The following CNBD1 variants were observed in gnomAD, a reference collection of about 807,000 sequenced individuals.
The protein encoded by CNBD1 is cyclic nucleotide-binding domain-containing protein 1.
CNBD1 carries 71 observed loss-of-function variants against 54.4 expected under a neutral mutation model. The observed-to-expected ratio is 1.30, with a 90% CI of 1.08 to 1.59. The LOEUF (loss-of-function observed/expected upper bound fraction) is 1.59. Among genes scored for constraint, CNBD1 ranks in the 40% most tolerant of loss-of-function variants. The pLI, the probability that CNBD1 is intolerant of heterozygous loss-of-function variation, is 0.00. For synonymous variants in CNBD1, 182 were observed against 170.7 expected, an observed-to-expected ratio of 1.07 and a Z score of -0.51; for missense variants, 659 against 518.0, an observed-to-expected ratio of 1.27 and a Z score of -2.64.
intron 4 of CNBD1, among the ~76,000 whole-genome samples, chr8:87,035,591 C>G (rs2130601038): frequency 6.6e-6 from 1 of 152,250 alleles, no homozygotes. Flanking sequence ...TTCTCAGATG[C>G]CAACTCTATT....
chr8:87,226,040 A>T (rs1814479927), intron 5 of CNBD1, among the ~76,000 whole-genome samples: 1 of 151,976 alleles, frequency 6.6e-6, no homozygotes, highest in East Asian at 1.9e-4. Flanking sequence ...AGGTGTTTGT[A>T]GTATTCTCTG....
intron 4 of CNBD1, among the ~76,000 whole-genome samples, chr8:86,957,667 G>A (rs1444010666): frequency 1.3e-5 from 2 of 152,124 alleles, no homozygotes; most frequent in African/African-American, 2.4e-5. Flanking sequence ...TGTGGGATTG[G>A]TGGTGATATC....
At chr8:87,354,522 C>A (rs1043563344) in intron 10 of CNBD1, among the ~76,000 whole-genome samples, 1 of 151,942 alleles carries the variant, frequency 6.6e-6, no homozygotes, top group Admixed American at 6.6e-5. Flanking sequence ...CGTCATTTAG[C>A]ATTAGGTATA....
intron 2 of CNBD1, among the ~76,000 whole-genome samples, chr8:87,416,126 T>A (rs1807829988): frequency 6.6e-6 from 1 of 151,950 alleles, no homozygotes. Flanking sequence ...TGTATATTTT[T>A]AACAATATAT....
intron 4 of CNBD1, among the ~76,000 whole-genome samples, chr8:87,100,580 G>A (rs1051381350): frequency 2.6e-5 from 4 of 152,094 alleles, no homozygotes; most frequent in African/African-American, 4.8e-5. Flanking sequence ...CCAAGTTCAA[G>A]CAATTCTGTC....
At chr8:87,282,243 T>A (rs1197977815) in intron 6 of CNBD1, among the ~76,000 whole-genome samples, 1 of 151,788 alleles carries the variant, frequency 6.6e-6, no homozygotes, top group Non-Finnish European at 1.5e-5. Flanking sequence ...TTTCTGCTTG[T>A]CTGTTCTGAG....
intron 4 of CNBD1, among the ~76,000 whole-genome samples, chr8:87,005,792 G>A (rs986295917): frequency 6.6e-6 from 1 of 151,992 alleles, no homozygotes; most frequent in African/African-American, 2.4e-5. Flanking sequence ...TAGGGATGAG[G>A]GCCTGTGTGA....
At chr8:87,199,754 A>C (rs1004649687) in intron 4 of CNBD1, among the ~76,000 whole-genome samples, 2 of 152,180 alleles carry the variant, frequency 1.3e-5, no homozygotes, top group African/African-American at 4.8e-5. Context: ...ATTGTCAACA[A>C]TGAGTATTTC....
At chr8:87,242,653 C>T (rs1256801057) in intron 6 of CNBD1, among the ~76,000 whole-genome samples, 3 of 152,088 alleles carry the variant, frequency 2.0e-5, no homozygotes, top group Non-Finnish European at 2.9e-5. Flanking sequence ...AGGTTTTATG[C>T]CTCCTTAAAA....
At chr8:87,385,028 T>G (rs1048617612), downstream of CNBD1, among the ~76,000 whole-genome samples, 1 of 152,134 alleles carries the variant, frequency 6.6e-6, no homozygotes, top group African/African-American at 2.4e-5. Context: ...TGACTTAAGT[T>G]TTCAAATAAT....
At chr8:87,062,769 A>G (rs1394075887) in intron 4 of CNBD1, among the ~76,000 whole-genome samples, 1 of 151,908 alleles carries the variant, frequency 6.6e-6, no homozygotes, top group Admixed American at 6.6e-5. Flanking sequence ...ATTATACTTT[A>G]TTTTCTCCTT....
chr8:87,344,220 A>C (rs1454133706), intron 8 of CNBD1, among the ~76,000 whole-genome samples: 1 of 152,100 alleles, frequency 6.6e-6, no homozygotes, highest in Admixed American at 6.5e-5. Context: ...TGAAATATCA[A>C]TAGGAAGAAA....
chr8:86,938,702 C>A (rs1809595285), intron 3 of CNBD1, among the ~76,000 whole-genome samples: 1 of 152,144 alleles, frequency 6.6e-6, no homozygotes, highest in Admixed American at 6.5e-5. Flanking sequence ...TCTTGTGATA[C>A]ATGGGAATTA....
At chr8:87,338,450 G>A (rs1287311858) in intron 8 of CNBD1, among the ~76,000 whole-genome samples, 4 of 151,848 alleles carry the variant, frequency 2.6e-5, no homozygotes, top group African/African-American at 9.7e-5. Context: ...CAGAATTCAA[G>A]GTTGGTGATT....
At chr8:86,961,962 G>C (rs895201235) in intron 4 of CNBD1, among the ~76,000 whole-genome samples, 1 of 152,136 alleles carries the variant, frequency 6.6e-6, no homozygotes, top group Non-Finnish European at 1.5e-5. Flanking sequence ...CTAACCCTAG[G>C]GGTGGAGCAC....
At chr8:87,395,266 A>C (rs1342167999) in intron 2 of CNBD1, among the ~76,000 whole-genome samples, 2 of 151,916 alleles carry the variant, frequency 1.3e-5, no homozygotes, top group South Asian at 4.1e-4. Context: ...GAGGATACAT[A>C]GCTTCCTGTA....
At chr8:87,140,577 A>T (rs1298138323) in intron 4 of CNBD1, among the ~76,000 whole-genome samples, 3 of 152,134 alleles carry the variant, frequency 2.0e-5, no homozygotes, top group Admixed American at 2.0e-4. Flanking sequence ...TAATATTGTT[A>T]TTTATTGAAG....
At chr8:87,086,331 C>G (rs531024861) in intron 4 of CNBD1, among the ~76,000 whole-genome samples, 10 of 152,166 alleles carry the variant, frequency 6.6e-5, no homozygotes, top group Non-Finnish European at 1.5e-4. Flanking sequence ...TCTTAGGTAT[C>G]AGACAAGATT....
intron 4 of CNBD1, among the ~76,000 whole-genome samples, chr8:86,993,159 T>C (rs1808790959): frequency 6.6e-6 from 1 of 152,106 alleles, no homozygotes; most frequent in African/African-American, 2.4e-5. Flanking sequence ...TTTTTAAAAT[T>C]GTTTTTTCTT....
Sources: gnomAD v4.1 joint callset for allele counts (sites outside exome capture counted in the v4.1 genomes callset) on GRCh38, gnomAD v4.1.1 for gene constraint, MANE v1.5 for transcripts, NCBI Gene and HGNC (gene_info 2026-07-23, HGNC 2026-07-21) for gene names.